CLDN16: variants seen among roughly 807,000 people sequenced by gnomAD.
CLDN16 encodes claudin-16.
CLDN16 carries 13 observed loss-of-function variants against 24.6 expected under a neutral mutation model. The ratio of observed to expected loss-of-function variants is 0.53; its 90% CI spans 0.34 to 0.84. The LOEUF is 0.84. Ranked by LOEUF, CLDN16 falls within the 40% of genes least tolerant of loss-of-function variation. The pLI, the probability that CLDN16 is intolerant of heterozygous loss-of-function variation, is 0.01. For missense variants in CLDN16, 298 were observed against 292.7 expected, an observed-to-expected ratio of 1.02 and a Z score of -0.13; for synonymous variants, 116 against 106.7, an observed-to-expected ratio of 1.09 and a Z score of -0.54.
the CLDN16 span, chr3:190,310,226 C>G: frequency 3.1e-6 from 5 of 1,613,820 alleles, no homozygotes; most frequent in Non-Finnish European, 2.5e-6. Flanking sequence ...ATTGCCATAC[C>G]ATGCTGTGGC....
the CLDN16 span, among the ~76,000 whole-genome samples, chr3:190,293,050 A>G: frequency 7.9e-5 from 12 of 152,146 alleles, no homozygotes; most frequent in African/African-American, 2.7e-4. Context: ...CTATTTTAAC[A>G]CTGCTATAAA....
At chr3:190,317,082 G>A in the CLDN16 span, among the ~76,000 whole-genome samples, 3 of 152,130 alleles carry the variant, frequency 2.0e-5, no homozygotes, top group African/African-American at 7.2e-5. Flanking sequence ...ATGTTTGAAA[G>A]CTATAAAACA....
chr3:190,292,219 C>T, the CLDN16 span, among the ~76,000 whole-genome samples: 1 of 152,242 alleles, frequency 6.6e-6, no homozygotes, highest in Admixed American at 6.5e-5. Context: ...CATACATCCT[C>T]TGAAATTCAG....
chr3:190,336,182 G>A (rs887967328), intron 1 of CLDN16, among the ~76,000 whole-genome samples: 13 of 152,206 alleles, frequency 8.5e-5, no homozygotes, highest in African/African-American at 2.9e-4. Flanking sequence ...AGTCTTTAAA[G>A]AGACTTTTCT....
intron 2 of CLDN16, among the ~76,000 whole-genome samples, chr3:190,404,143 A>G (rs1164588383): frequency 2.0e-5 from 3 of 152,138 alleles, no homozygotes; most frequent in African/African-American, 7.2e-5. Flanking sequence ...ATTGGCCAAG[A>G]AGAGTCATGA....
At chr3:190,374,660 G>T (rs536474308) in intron 3 of CLDN16, 1 of 152,000 alleles carries the variant, frequency 6.6e-6, no homozygotes, top group East Asian at 1.9e-4. Context: ...TTTCTAGATA[G>T]ATCCAGGCAT....
intron 1 of CLDN16, among the ~76,000 whole-genome samples, chr3:190,366,911 A>G (rs1577411862): frequency 6.6e-6 from 1 of 152,066 alleles, no homozygotes; most frequent in East Asian, 1.9e-4. Flanking sequence ...TTTATTTGAT[A>G]TAATATGAGC....
At position 190,410,187 on chromosome 3, in the gene CLDN16, C is replaced by A; in HGVS notation, c.*151C>A. The A allele has an allele frequency of 1.1e-6, 1 of 887,104 alleles. No individual in the cohort carries two copies. Among genetic ancestry groups the A allele is most frequent in the Admixed American group, 2.1e-5 (1 of 48,466 alleles). The allele number at this position is 887,104 out of a possible 1,614,324, so 55.0% of individuals were successfully genotyped here. ...AATCAAAATGTTTGATTCTCCTATACTTTTTCTTTCTATTACTCTTATATT... is the reference window on the plus strand; with the variant it reads ...AATCAAAATGTTTGATTCTCCTATAATTTTTCTTTCTATTACTCTTATATT... On this transcript the variant is annotated 3_prime_UTR_variant, in exon 5 of 5. Coordinates refer to ENST00000264734, the MANE Select transcript of CLDN16 (RefSeq NM_006580.4).
At chr3:190,407,426 C>T (rs58109815) in intron 3 of CLDN16, among the ~76,000 whole-genome samples, 3,572 of 152,190 alleles carry the variant, frequency 0.023, 150 homozygotes, top group African/African-American at 0.082. Context: ...CCAACTCAAG[C>T]AGACTTAGAC....
intron 1 of CLDN16, among the ~76,000 whole-genome samples, chr3:190,347,969 C>T (rs762176371): frequency 4.0e-5 from 6 of 151,282 alleles, no homozygotes; most frequent in Non-Finnish European, 5.9e-5. Context: ...ATGGGCTGGG[C>T]GCGGTGGCTC....
At chr3:190,395,670 G>T (rs1341847844) in intron 1 of CLDN16, among the ~76,000 whole-genome samples, 1 of 152,028 alleles carries the variant, frequency 6.6e-6, no homozygotes, top group Non-Finnish European at 1.5e-5. Context: ...TTAGCACATG[G>T]ATAGTAAAGT....
intron 1 of CLDN16, among the ~76,000 whole-genome samples, chr3:190,326,900 A>G (rs1414691759): frequency 6.6e-6 from 1 of 152,202 alleles, no homozygotes; most frequent in Non-Finnish European, 1.5e-5. Context: ...TTTTTATCTT[A>G]GAGATACTAG....
upstream of CLDN16, among the ~76,000 whole-genome samples, chr3:190,384,318 C>A (rs148190730): frequency 3.7e-4 from 57 of 152,272 alleles, no homozygotes; most frequent in East Asian, 8.3e-3. Flanking sequence ...ATGGAAACAA[C>A]AGAACTAACA....
chr3:190,365,127 A>G (rs1289416787), intron 1 of CLDN16, among the ~76,000 whole-genome samples: 1 of 151,870 alleles, frequency 6.6e-6, no homozygotes, highest in African/African-American at 2.4e-5. Context: ...ACTACGGTCT[A>G]TTAACTATCT....
At chr3:190,358,220 A>C (rs897172736) in intron 1 of CLDN16, among the ~76,000 whole-genome samples, 1 of 151,788 alleles carries the variant, frequency 6.6e-6, no homozygotes, top group Non-Finnish European at 1.5e-5. Flanking sequence ...TTTTCCCTCA[A>C]ATTTCTGTAA....
At chr3:190,317,127 C>T in the CLDN16 span, among the ~76,000 whole-genome samples, 1 of 152,114 alleles carries the variant, frequency 6.6e-6, no homozygotes, top group South Asian at 2.1e-4. Context: ...TATAGCCTTG[C>T]AATATTAACT....
At chr3:190,377,855 A>AGTTG (rs1171552275) in intron 3 of CLDN16, among the ~76,000 whole-genome samples, 1 of 151,590 alleles carries the variant, frequency 6.6e-6, no homozygotes, top group Non-Finnish European at 1.5e-5. Context: ...CTGGGAAAAT[A>AGTTG]CTTGCCTGCA....
chr3:190,296,782 C>G, the CLDN16 span, among the ~76,000 whole-genome samples: 1 of 152,072 alleles, frequency 6.6e-6, no homozygotes, highest in African/African-American at 2.4e-5. Flanking sequence ...GATCTCCTGA[C>G]CTCGTGATCC....
chr3:190,363,554 GTGTATATATATATATATATATA>G lies in CLDN16; in HGVS notation n.122-7337_122-7316del, dbSNP rs1243205006. Among the ~76,000 whole-genome samples the G allele has an allele frequency of 6.9e-4, 56 of 81,356 alleles. 2 individuals carry two copies. The highest frequency in any genetic ancestry group is 2.1e-3 in the African/African-American group (45 of 21,182). The allele number at this position is 81,356 out of a possible 152,430, so 53.4% of individuals were successfully genotyped here. On this transcript the variant is annotated intron_variant and non_coding_transcript_variant, in intron 1 of 4. Transcript: ENST00000468220. ...CCAGTTGCTGTGCGTGTGTGTGTGT[GTGTATATATATATATATATATA>G]TATATATATATATATATATATTTTC...
Sources: gnomAD v4.1 joint callset for allele counts (sites outside exome capture counted in the v4.1 genomes callset) on GRCh38, gnomAD v4.1.1 for gene constraint, MANE v1.5 for transcripts, NCBI Gene and HGNC (gene_info 2026-07-23, HGNC 2026-07-21) for gene names.